TRPM1: variants seen among roughly 807,000 people sequenced by gnomAD.
TRPM1 encodes transient receptor potential cation channel subfamily M member 1, also known as TRPM1-203 APA Isoform, Intron 10.
In TRPM1, 113 loss-of-function variants were observed where a neutral mutation model predicts 149.4. The ratio of observed to expected loss-of-function variants is 0.76; its 90% CI spans 0.65 to 0.88. The LOEUF is 0.88. Ranked by LOEUF, TRPM1 falls within the 40% of genes least tolerant of loss-of-function variation. The pLI, the probability that TRPM1 is intolerant of heterozygous loss-of-function variation, is 0.00. For synonymous variants in TRPM1, 741 were observed against 759.5 expected (o/e 0.98, Z 0.40); for missense variants, 1,976 against 2,038.7 (o/e 0.97, Z 0.59).
At chr15:31,088,928 G>T (rs1162417564) in intron 1 of TRPM1, among the ~76,000 whole-genome samples, 1 of 152,162 alleles carries the variant, frequency 6.6e-6, no homozygotes, top group Non-Finnish European at 1.5e-5. Context: ...TGGCAGAATT[G>T]CGTGGAAGCT....
chr15:31,113,432 GTTT>G (rs3080947), intron 1 of TRPM1, among the ~76,000 whole-genome samples: 61,302 of 149,510 alleles, frequency 0.41, 13,085 homozygotes, highest in East Asian at 0.73. Flanking sequence ...AGCTCTGACA[GTTT>G]TTTTTTTTTC....
At chr15:31,082,761 G>A (rs2034894906) in intron 1 of TRPM1, among the ~76,000 whole-genome samples, 1 of 152,194 alleles carries the variant, frequency 6.6e-6, no homozygotes, top group African/African-American at 2.4e-5. Flanking sequence ...CCATCTGGGT[G>A]GGGGTTGCTC....
intron 3 of TRPM1, among the ~76,000 whole-genome samples, chr15:31,071,500 T>G (rs979858227): frequency 1.3e-5 from 2 of 152,160 alleles, no homozygotes; most frequent in African/African-American, 4.8e-5. Flanking sequence ...CTGCCTTGTC[T>G]TTCCTTTTGT....
At chr15:31,045,193 C>T (rs183065353) in intron 16 of TRPM1, among the ~76,000 whole-genome samples, 25 of 152,216 alleles carry the variant, frequency 1.6e-4, no homozygotes, top group African/African-American at 6.0e-4. Flanking sequence ...GAATGAAAGC[C>T]GTCTACACTG....
At chr15:31,132,558 G>A (rs940417985) in intron 1 of TRPM1, among the ~76,000 whole-genome samples, 1 of 152,220 alleles carries the variant, frequency 6.6e-6, no homozygotes, top group Non-Finnish European at 1.5e-5. Context: ...GTGAGGGCAT[G>A]TAAGACACAA....
chr15:31,119,733 A>C (rs2035851785), intron 1 of TRPM1, among the ~76,000 whole-genome samples: 1 of 152,204 alleles, frequency 6.6e-6, no homozygotes, highest in Non-Finnish European at 1.5e-5. Context: ...ACAGGAGTGT[A>C]AAATTGGAAA....
chr15:31,085,792 A>G (rs2034982671), intron 1 of TRPM1, among the ~76,000 whole-genome samples: 1 of 152,166 alleles, frequency 6.6e-6, no homozygotes, highest in African/African-American at 2.4e-5. Context: ...TGCAATGCAG[A>G]CCCCGAATTA....
chr15:31,010,410 T>C (rs1025756066), intron 27 of TRPM1, among the ~76,000 whole-genome samples: 2 of 152,240 alleles, frequency 1.3e-5, no homozygotes, highest in Admixed American at 1.3e-4. Flanking sequence ...TGGGTCTTTA[T>C]AGTTATAAAT....
intron 1 of TRPM1, among the ~76,000 whole-genome samples, chr15:31,086,747 C>G (rs1419425286): frequency 2.0e-5 from 3 of 152,222 alleles, no homozygotes; most frequent in Non-Finnish European, 4.4e-5. Context: ...CATTTCTCCC[C>G]TGGTCTAAGG....
Position 31,041,836 on chromosome 15 carries a change from A to G in TRPM1, c.2087+115T>C. The stretch of plus-strand genomic sequence containing the variant: ...ATGACAGACGAAGTGATTTGTGAAC[A>G]AGCTTTAACCACCATTGTCCTTAAG... On this transcript the variant is annotated intron_variant, in intron 17 of 27. Transcript: ENST00000256552. 6 of 1,170,518 alleles carry G rather than the reference A, an allele frequency of 5.1e-6. No individual in the cohort carries two copies. The Admixed American group carries it at 1.1e-4, about 21-fold the overall frequency. 72.5% of individuals were successfully genotyped at this position (1,170,518 alleles called of 1,614,324 possible).
In TRPM1 at chr15:31,032,913, T is replaced by A. The variant is rs1056966629; in HGVS notation, c.2728A>T (p.Ser910Cys). The A allele has an allele frequency of 1.2e-6, 2 of 1,614,238 alleles. No individual in the cohort carries two copies. Among genetic ancestry groups the A allele is most frequent in the East Asian group, 4.5e-5 (2 of 44,888 alleles). The change falls in exon 22 of 28, where the codon AGC (serine) becomes TGC (cysteine). Residue 910 changes from serine to cysteine, a missense_variant. Coordinates refer to ENST00000256552, the MANE Select transcript of TRPM1 (RefSeq NM_001252024.2). ...EILMSEPGKL[S>C]QKIKVWLQEY... ...TGAAGCCAAACTTTGATTTTCTGGC[T>A]GAGTTTGCCTGGTTCTGACATGAGG...
At chr15:31,110,877 TTCTTTC>T (rs1274082889) in intron 1 of TRPM1, among the ~76,000 whole-genome samples, 1 of 150,526 alleles carries the variant, frequency 6.6e-6, no homozygotes, top group Non-Finnish European at 1.5e-5. Context: ...TCTTTCTTCT[TTCTTTC>T]TCTTTCTCTC....
chr15:31,089,079 ATT>A (rs949715115), intron 1 of TRPM1, among the ~76,000 whole-genome samples: 1 of 152,190 alleles, frequency 6.6e-6, no homozygotes, highest in Non-Finnish European at 1.5e-5. Flanking sequence ...TTAATGCCAT[ATT>A]TTTAAAAAAC....
chr15:31,037,990 C>T lies in TRPM1; in HGVS notation c.2439+54G>A, dbSNP rs2033473977. The T allele has an allele frequency of 3.1e-6, 5 of 1,613,522 alleles. No individual in the cohort carries two copies. The East Asian group carries it at 1.1e-4, about 36-fold the overall frequency. ...CAATCTGTGGTACAAGAAATCTCAA[C>T]AATTTTGAAAACAAGATTACACTGA... is the stretch of plus-strand genomic sequence containing the variant. On this transcript the variant is annotated intron_variant, in intron 19 of 27. Coordinates refer to ENST00000256552, the MANE Select transcript of TRPM1 (RefSeq NM_001252024.2).
At chr15:31,011,668 T>G (rs2032188863) in intron 27 of TRPM1, among the ~76,000 whole-genome samples, 1 of 146,952 alleles carries the variant, frequency 6.8e-6, no homozygotes. Context: ...GCCAATTACT[T>G]TTTTTTTTTT....
intron 1 of TRPM1, among the ~76,000 whole-genome samples, chr15:31,113,164 A>T (rs1242201999): frequency 6.6e-6 from 1 of 152,074 alleles, no homozygotes; most frequent in Non-Finnish European, 1.5e-5. Flanking sequence ...CACCCCCTTC[A>T]AAACTCACCA....
Position 31,066,210 on chromosome 15 carries a change from C to T in TRPM1, c.656G>A (p.Ser219Asn), listed in dbSNP as rs963727360. 1 of 1,614,166 alleles carries T rather than the reference C, an allele frequency of 6.2e-7. No individual in the cohort carries two copies. Among genetic ancestry groups the T allele is most frequent in the East Asian group, 2.2e-5 (1 of 44,886 alleles). ...GGAGTTGTTGAGCACAGAGAGCTTA[C>T]TTAGAGGGTTGGACATGGTCTGGTA... ...RVYQTMSNPL[S>N]KLSVLNNSHT... The change falls in exon 7 of 28, where the codon AGT becomes AAT. Residue 219 changes from serine (S) to asparagine (N), a missense_variant. Ser to Asn is a conservative substitution (Grantham distance 46, BLOSUM62 1). Coordinates refer to ENST00000256552, the MANE Select transcript of TRPM1 (RefSeq NM_001252024.2).
chr15:31,036,226 G>A (rs1567007898), intron 20 of TRPM1, among the ~76,000 whole-genome samples: 1 of 152,260 alleles, frequency 6.6e-6, no homozygotes, highest in East Asian at 1.9e-4. Context: ...CAGGGAAAGA[G>A]GCAGAGCTGG....
Position 31,035,600 on chromosome 15 carries a change from C to T in TRPM1, c.2646G>A (p.Gln882=). Residue 882 remains glutamine, a synonymous_variant, in exon 21 of 28, where the codon CAG becomes CAA. Transcript: ENST00000256552. ...LVRMDGWPSL[Q]EWIVISYIVS... ...CGATGTAGGAGATGACGATCCACTC[C>T]TGGAGGGACGGCCAGCCATCCATCC... The T allele has an allele frequency of 6.2e-7, 1 of 1,614,234 alleles. No individual in the cohort carries two copies. Among genetic ancestry groups the T allele is most frequent in the Non-Finnish European group, 8.5e-7 (1 of 1,180,038 alleles).
Sources: gnomAD v4.1 joint callset for allele counts (sites outside exome capture counted in the v4.1 genomes callset) on GRCh38, gnomAD v4.1.1 for gene constraint, MANE v1.5 for transcripts, NCBI Gene and HGNC (gene_info 2026-07-23, HGNC 2026-07-21) for gene names.